The following POMT2 variants were observed in gnomAD, a reference collection of about 807,000 sequenced individuals.
POMT2 encodes the protein protein O-mannosyl-transferase 2.
Under a neutral mutation model 100.0 loss-of-function variants are expected in POMT2, and 75 were observed. The observed-to-expected ratio is 0.75, with a 90% CI of 0.62 to 0.91. The LOEUF (loss-of-function observed/expected upper bound fraction) is 0.91, where lower values mean the gene tolerates loss of function less well. Ranked by LOEUF, POMT2 falls within the 40% of genes least tolerant of loss-of-function variation. The probability of loss-of-function intolerance (pLI) is 0.00; values close to 1 mark genes in which losing one functional copy is unlikely to be tolerated. For missense variants in POMT2, 940 were observed against 955.1 expected, an observed-to-expected ratio of 0.98 and a Z score of 0.21; for synonymous variants, 378 against 374.1, an observed-to-expected ratio of 1.01 and a Z score of -0.12.
At chr14:77,306,798 G>T in intron 2 of POMT2, 1 of 298,724 alleles carries the variant, frequency 3.3e-6, no homozygotes, top group Non-Finnish European at 6.5e-6. Context: ...GCAGCTCTTG[G>T]ACAGAGGCTG....
intron 10 of POMT2, among the ~76,000 whole-genome samples, chr14:77,289,432 A>G (rs1890561514): frequency 2.0e-5 from 2 of 102,482 alleles, no homozygotes; most frequent in Middle Eastern, 7.9e-3. Context: ...TGAATAGCAA[A>G]TGGGTTTCAT....
chr14:77,284,006 A>G (rs1890326422), intron 14 of POMT2, 133 bp from the exon 15 acceptor site: 1 of 780,792 alleles, frequency 1.3e-6, no homozygotes, highest in Non-Finnish European at 2.3e-6. Context: ...GAGACAGAAG[A>G]AAGCTTGGCC....
rs187294379 is a variant in POMT2 at position 77,288,753 on chromosome 14, T to C, written c.1253+9A>G. On this transcript the variant is annotated intron_variant, in intron 11 of 20. Transcript: ENST00000261534. ...ACCATTTATTTATCCAAACTGCAAA[T>C]TGACTTACTCTTTGTGTTCTAGTCG... The C allele has an allele frequency of 1.6e-5, 25 of 1,612,860 alleles. No individual in the cohort carries two copies. In the African/African-American group the frequency reaches 1.9e-4, roughly 12 times the overall value.
intron 18 of POMT2, chr14:77,279,196 T>A: frequency 2.3e-6 from 1 of 434,378 alleles, no homozygotes; most frequent in South Asian, 2.1e-5. Flanking sequence ...GCCACACAGA[T>A]CTTTGCAGCG....
chr14:77,277,652 G>T (rs1248424196), intron 20 of POMT2, among the ~76,000 whole-genome samples, 171 bp from the exon 21 acceptor site: 1 of 152,252 alleles, frequency 6.6e-6, no homozygotes, highest in Admixed American at 6.5e-5. Flanking sequence ...TAGCTGGAGA[G>T]CTTAGTAGAT....
intron 11 of POMT2, chr14:77,287,413 TATTA>T (rs1052367414): frequency 3.3e-5 from 5 of 151,976 alleles, no homozygotes; most frequent in Non-Finnish European, 5.9e-5. Flanking sequence ...AATAAATTTT[TATTA>T]ATGACAAATG....
intron 10 of POMT2, 74 bp downstream of exon 10, chr14:77,291,240 G>C (rs1369971079): frequency 7.0e-7 from 1 of 1,421,880 alleles, no homozygotes; most frequent in African/African-American, 1.4e-5. Flanking sequence ...TCATTCTTTT[G>C]CAGGCATGAG....
chr14:77,299,759 G>A (rs1012683963), intron 6 of POMT2, 198 bp from the exon 7 acceptor site: 1 of 551,322 alleles, frequency 1.8e-6, no homozygotes, highest in Non-Finnish European at 3.4e-6. Context: ...ATAAACATGG[G>A]CCAGCCCTCT....
intron 1 of POMT2, among the ~76,000 whole-genome samples, chr14:77,317,924 T>C (rs61990305): frequency 0.15 from 22,882 of 152,222 alleles, 2,150 homozygotes; most frequent in East Asian, 0.26. Flanking sequence ...TGGTTGGGTA[T>C]AGTGCTTTTA....
intron 1 of POMT2, 90 bp downstream of exon 1, chr14:77,320,344 A>G: frequency 6.5e-7 from 1 of 1,536,476 alleles, no homozygotes; most frequent in Non-Finnish European, 8.7e-7. Flanking sequence ...CCTCCTATAG[A>G]TCCCGCCCCC....
intron 19 of POMT2, 46 bp downstream of exon 19, chr14:77,278,683 G>A (rs141651750): frequency 2.8e-5 from 45 of 1,611,840 alleles, no homozygotes; most frequent in Middle Eastern, 3.3e-4. Context: ...ACAGTGGCCC[G>A]CCCTCCACCT....
chr14:77,291,459 A>T, intron 9 of POMT2, 79 bp from the exon 10 acceptor site: 2 of 1,551,906 alleles, frequency 1.3e-6, no homozygotes, highest in Non-Finnish European at 1.7e-6. Context: ...GGCCAAGGAC[A>T]ATCAACCTCA....
Position 77,279,902 on chromosome 14 carries a change from G to A in POMT2, c.1812C>T (p.Ser604=). 1 of 1,614,140 alleles carries A rather than the reference G, an allele frequency of 6.2e-7. No homozygotes were observed. Among genetic ancestry groups the A allele is most frequent in the Non-Finnish European group, 8.5e-7 (1 of 1,180,018 alleles). ...NPVVWWLNLL[S]IALYLLSGSI... is the part of the protein sequence containing the mutation. ...TCCCTGAGAGGAGGTAGAGGGCGAT[G>A]CTCAACAGATTCAGCCACCAAACCA... Residue 604 remains serine (S), a synonymous_variant, in exon 18 of 21, where the codon AGC becomes AGT. Coordinates refer to ENST00000261534, the MANE Select transcript of POMT2 (RefSeq NM_013382.7).
chr14:77,308,698 T>C (rs1891326519), intron 2 of POMT2: 1 of 425,566 alleles, frequency 2.3e-6, no homozygotes, highest in Non-Finnish European at 4.6e-6. Flanking sequence ...CTGGCAATGA[T>C]GTGGGGAAGA....
intron 1 of POMT2, among the ~76,000 whole-genome samples, chr14:77,312,910 A>T (rs989970594): frequency 6.6e-6 from 1 of 152,238 alleles, no homozygotes; most frequent in Admixed American, 6.5e-5. Flanking sequence ...TAGTATATAA[A>T]AGTTGAAGGC....
intron 18 of POMT2, 100 bp from the exon 19 acceptor site, chr14:77,278,969 A>G (rs1890097385): frequency 7.0e-7 from 1 of 1,435,408 alleles, no homozygotes; most frequent in Non-Finnish European, 9.6e-7. Flanking sequence ...GACCTTGAAT[A>G]TGTCATATCA....
At chr14:77,286,652 C>G in intron 12 of POMT2, 92 bp downstream of exon 12, 1 of 1,568,978 alleles carries the variant, frequency 6.4e-7, no homozygotes. Flanking sequence ...CAGGAACATT[C>G]CAGAATTCTG....
chr14:77,320,608 G>A lies in POMT2; in HGVS notation c.74C>T (p.Ala25Val), dbSNP rs1313795011. The change falls in exon 1 of 21, where the codon GCT becomes GTT. Residue 25 changes from alanine (A) to valine (V), a missense_variant. Physicochemically the swap from Ala to Val is moderately conservative, Grantham distance 64 (BLOSUM62 0). Transcript: ENST00000261534. ...CACGTCCCGGCCTGCGGCCCTAGCAGCCTGGGGGCCACAGCGGCCCCTCCG... is the reference window on the plus strand; with the variant it reads ...CACGTCCCGGCCTGCGGCCCTAGCAACCTGGGGGCCACAGCGGCCCCTCCG... Reference protein sequence around the residue: ...RPRRGRCGPQAARAAGRDVAA... With the variant: ...RPRRGRCGPQVARAAGRDVAA... The A allele has an allele frequency of 5.0e-6, 8 of 1,588,462 alleles. No individual in the cohort carries two copies. Among genetic ancestry groups the A allele is most frequent in the Non-Finnish European group, 6.8e-6 (8 of 1,175,124 alleles).
intron 2 of POMT2, among the ~76,000 whole-genome samples, chr14:77,307,588 G>A (rs1450596317): frequency 6.6e-6 from 1 of 152,138 alleles, no homozygotes; most frequent in Non-Finnish European, 1.5e-5. Flanking sequence ...GCCTGGTATT[G>A]GTCATACATT....
Sources: allele counts gnomAD v4.1 joint callset (sites outside exome capture counted in the v4.1 genomes callset), GRCh38; gene constraint gnomAD v4.1.1; transcripts MANE v1.5; gene names NCBI Gene and HGNC (gene_info 2026-07-23, HGNC 2026-07-21).